The following ZFP82 variants were observed in gnomAD, a reference collection of about 807,000 sequenced individuals.
ZFP82 encodes ZFP82 zinc finger protein.
In ZFP82, 30 loss-of-function variants were observed where a neutral mutation model predicts 54.0. The observed-to-expected ratio is 0.56, with a 90% CI of 0.42 to 0.75. ZFP82 has a LOEUF of 0.75. Ranked by LOEUF, ZFP82 falls within the 30% of genes least tolerant of loss-of-function variation. The pLI is 0.00. For synonymous variants in ZFP82, 194 were observed against 209.5 expected (o/e 0.93, Z 0.64); for missense variants, 500 against 636.8 (o/e 0.79, Z 2.31).
downstream of ZFP82, among the ~76,000 whole-genome samples, chr19:36,388,239 G>A (rs144277606): frequency 7.2e-5 from 11 of 152,046 alleles, no homozygotes; most frequent in South Asian, 2.1e-4. Context: ...ACTTTTTTGC[G>A]AATGTTTGCA....
intron 1 of ZFP82, among the ~76,000 whole-genome samples, chr19:36,418,027 C>G (rs370342882): frequency 9.7e-4 from 148 of 152,242 alleles, no homozygotes; most frequent in African/African-American, 3.3e-3. Context: ...GCCATCCTCC[C>G]GCCTCAGCCT....
chr19:36,408,617 C>T (rs1193918010), intron 2 of ZFP82, among the ~76,000 whole-genome samples: 1 of 152,068 alleles, frequency 6.6e-6, no homozygotes, highest in Non-Finnish European at 1.5e-5. Context: ...GTCGGGAGTT[C>T]GAGACCAGCC....
exon 2 of ZFP82, chr19:36,383,321 T>C (rs2145571814): frequency 6.6e-6 from 1 of 152,236 alleles, no homozygotes; most frequent in East Asian, 1.9e-4. Context: ...ATGACTACAG[T>C]ACAACTTGTC....
At chr19:36,410,947 C>T (rs2032569152) in intron 1 of ZFP82, among the ~76,000 whole-genome samples, 1 of 151,906 alleles carries the variant, frequency 6.6e-6, no homozygotes, top group East Asian at 2.0e-4. Context: ...AATCCCAGCA[C>T]TATGGGAGGC....
intron 1 of ZFP82, among the ~76,000 whole-genome samples, chr19:36,412,985 G>A (rs2032605454): frequency 6.6e-6 from 1 of 152,258 alleles, no homozygotes; most frequent in South Asian, 2.1e-4. Flanking sequence ...CCAAGGACTG[G>A]CACAGGATCT....
In ZFP82 at chr19:36,407,983, C is replaced by A. The variant is rs1299255714; in HGVS notation, c.40G>T (p.Asp14Tyr). 9 of 1,614,054 alleles carry A rather than the reference C, an allele frequency of 5.6e-6. No homozygotes were observed. The highest frequency in any genetic ancestry group is 7.6e-6 in the Non-Finnish European group (9 of 1,179,976). ...RSVMFSDVSI[D>Y]FSPEEWEYLD... Reference sequence around the variant, plus strand: ...TATTCCCACTCTTCTGGAGAGAAGTCTATGGATACATCACTGAACATCACT... The same window carrying A: ...TATTCCCACTCTTCTGGAGAGAAGTATATGGATACATCACTGAACATCACT... The change falls in exon 3 of 5, where the codon GAC becomes TAC. Residue 14 changes from aspartate (D) to tyrosine (Y), a missense_variant. By Grantham distance (160) the Asp-to-Tyr change is radical. Coordinates refer to ENST00000392161, the MANE Select transcript of ZFP82 (RefSeq NM_133466.4).
chr19:36,383,602 T>TGTAA (rs145742555), exon 2 of ZFP82: 1 of 151,302 alleles, frequency 6.6e-6, no homozygotes, highest in Non-Finnish European at 1.5e-5. Flanking sequence ...AAATAATCAC[T>TGTAA]ATATTTAGAA....
At chr19:36,407,779 TG>T in intron 3 of ZFP82, 107 bp downstream of exon 3, 1 of 1,259,824 alleles carries the variant, frequency 7.9e-7, no homozygotes, top group Non-Finnish European at 1.1e-6. Context: ...CTTTAGAAAG[TG>T]GAGCAAAAAT....
In ZFP82 at chr19:36,393,731, A is replaced by G. The variant is rs1342782488; in HGVS notation, c.609T>C (p.Cys203=). The change falls in exon 5 of 5, where the codon TGT becomes TGC. Residue 203 remains cysteine, a synonymous_variant. Transcript: ENST00000392161. The part of the protein sequence containing the change: ...TGEKPYECKE[C]GMAFRQTAHL... ...GTGCAGTCTGTCTGAAGGCCATCCCACATTCCTTACATTCATACGGTTTTT... is the reference window on the plus strand; with the variant it reads ...GTGCAGTCTGTCTGAAGGCCATCCCGCATTCCTTACATTCATACGGTTTTT... 1 of 1,613,768 alleles carries G rather than the reference A, an allele frequency of 6.2e-7. No homozygotes were observed. Among genetic ancestry groups the G allele is most frequent in the African/African-American group, 1.3e-5 (1 of 74,804 alleles).
intron 2 of ZFP82, among the ~76,000 whole-genome samples, chr19:36,408,967 G>C (rs1316854997): frequency 6.6e-6 from 1 of 152,138 alleles, no homozygotes; most frequent in East Asian, 1.9e-4. Flanking sequence ...TATGTACCTG[G>C]ATTACCTTCT....
At chr19:36,397,881 C>T (rs1021532258) in intron 4 of ZFP82, among the ~76,000 whole-genome samples, 1 of 152,146 alleles carries the variant, frequency 6.6e-6, no homozygotes, top group South Asian at 2.1e-4. Context: ...CAACCATACC[C>T]AGCCTAAAAT....
intron 3 of ZFP82, among the ~76,000 whole-genome samples, chr19:36,407,610 G>A (rs1285810263): frequency 6.6e-6 from 1 of 152,090 alleles, no homozygotes; most frequent in East Asian, 1.9e-4. Context: ...CAAACACAAA[G>A]TGAAACTTGT....
chr19:36,415,380 TAAACCAGGAC>T (rs2032652691), intron 1 of ZFP82, among the ~76,000 whole-genome samples: 11 of 151,798 alleles, frequency 7.2e-5, no homozygotes, highest in Non-Finnish European at 1.2e-4. Context: ...GTTGGCAGCT[TAAACCAGGAC>T]TTTCTTTTTT....
downstream of ZFP82, chr19:36,384,067 TG>T (rs1376808137): frequency 2.0e-5 from 3 of 152,162 alleles, no homozygotes; most frequent in African/African-American, 7.2e-5. Flanking sequence ...TCTACTTCTA[TG>T]ACAGTATCTA....
downstream of ZFP82, among the ~76,000 whole-genome samples, chr19:36,387,063 T>C (rs1001931111): frequency 6.6e-6 from 1 of 152,220 alleles, no homozygotes; most frequent in African/African-American, 2.4e-5. Flanking sequence ...TGTTGTGTTT[T>C]GGGAGTAAAT....
chr19:36,389,464 C>G lies in ZFP82; in HGVS notation c.*3277G>C, dbSNP rs2032158102. 4.6e-5 allele frequency among the ~76,000 whole-genome samples: 7 copies of G among 152,254 alleles called. 1 individual carries two copies. In the South Asian group the frequency reaches 1.4e-3, roughly 32 times the overall value. On this transcript the variant is annotated 3_prime_UTR_variant, in exon 5 of 5. Transcript: ENST00000392161. ...AGATTAAACATTTACCAACATTTTG[C>G]TAATCTTGTTTCATCTATCCCTCCC... is the stretch of plus-strand genomic sequence containing the variant.
intron 1 of ZFP82, among the ~76,000 whole-genome samples, chr19:36,415,678 G>A (rs956539780): frequency 1.3e-5 from 2 of 152,156 alleles, no homozygotes; most frequent in Admixed American, 6.6e-5. Context: ...GAGCCACTGC[G>A]CCCAGCCAAT....
At chr19:36,388,201 AATTGACT>A (rs566307668), downstream of ZFP82, among the ~76,000 whole-genome samples, 1,203 of 152,294 alleles carry the variant, frequency 7.9e-3, 8 homozygotes, top group Non-Finnish European at 0.014. Flanking sequence ...TAATTGTTTT[AATTGACT>A]ATTGAGTTCA....
At chr19:36,402,138 T>C (rs570028888) in intron 4 of ZFP82, among the ~76,000 whole-genome samples, 371 of 152,316 alleles carry the variant, frequency 2.4e-3, no homozygotes, top group Non-Finnish European at 3.6e-3. Context: ...TGTTAATAAT[T>C]GCAAATGTCA....
Sources: gnomAD v4.1 joint callset for allele counts (sites outside exome capture counted in the v4.1 genomes callset) on GRCh38, gnomAD v4.1.1 for gene constraint, MANE v1.5 for transcripts, NCBI Gene and HGNC (gene_info 2026-07-23, HGNC 2026-07-21) for gene names.